NAALADL2: variants seen among roughly 807,000 people sequenced by gnomAD.
NAALADL2 encodes inactive N-acetylated-alpha-linked acidic dipeptidase-like protein 2.
In NAALADL2, 76 loss-of-function variants were observed where a neutral mutation model predicts 87.2. The ratio of observed to expected loss-of-function variants is 0.87; its 90% CI spans 0.72 to 1.05. The LOEUF is 1.05. Ranked by LOEUF, NAALADL2 falls within the 50% of genes least tolerant of loss-of-function variation. NAALADL2 has a pLI of 0.00. For synonymous variants in NAALADL2, 354 were observed against 331.0 expected (o/e 1.07, Z -0.75); for missense variants, 1,089 against 945.8 (o/e 1.15, Z -1.99).
chr3:175,688,276 T>A (rs1057291316), intron 11 of NAALADL2, among the ~76,000 whole-genome samples: 9 of 152,134 alleles, frequency 5.9e-5, no homozygotes, highest in Admixed American at 5.2e-4. Flanking sequence ...TTTCTTGGTA[T>A]TTATTATGTT....
chr3:175,138,616 A>G (rs1334269424), intron 2 of NAALADL2, among the ~76,000 whole-genome samples: 2 of 149,456 alleles, frequency 1.3e-5, no homozygotes, highest in Non-Finnish European at 3.0e-5. Flanking sequence ...TATTATTATT[A>G]TTATTATTGT....
At chr3:174,819,768 TAATC>T (rs148293089) in intron 3 of NAALADL2, among the ~76,000 whole-genome samples, 14,964 of 152,208 alleles carry the variant, frequency 0.098, 806 homozygotes, top group Middle Eastern at 0.13. Context: ...ATCTACAAAA[TAATC>T]ATCCACCAGA....
rs1385469288 is a variant in NAALADL2, at chr3:175,803,198, A to G, written c.2383A>G (p.Asn795Asp). 1.4e-5 allele frequency: 22 copies of G among 1,594,196 alleles called. No homozygotes were observed. Among genetic ancestry groups the G allele is most frequent in the Non-Finnish European group, 1.9e-5 (22 of 1,169,284 alleles). ...GTTCAAGAGTGTCTTGGATGGGAAG[A>G]ATTGAGAAAACTCTGAGCATTTTTA... ...DVFKSVLDGK[N>D] Residue 795 changes from asparagine (N) to aspartate (D), a missense_variant, in exon 14 of 14, where the codon AAT becomes GAT. Physicochemically the swap from Asn to Asp is conservative, Grantham distance 23 (BLOSUM62 1). Transcript: ENST00000454872.
intron 13 of NAALADL2, among the ~76,000 whole-genome samples, chr3:175,792,972 C>T (rs1226785103): frequency 6.6e-6 from 1 of 152,182 alleles, no homozygotes; most frequent in Non-Finnish European, 1.5e-5. Flanking sequence ...AATCCAAGGA[C>T]TACTGCTTTT....
intron 1 of NAALADL2, among the ~76,000 whole-genome samples, chr3:174,909,364 C>T (rs1307222752): frequency 6.6e-6 from 1 of 152,114 alleles, no homozygotes; most frequent in African/African-American, 2.4e-5. Context: ...CATTGCACTC[C>T]AGCCTGGGCA....
At chr3:174,832,414 C>T (rs988639915) in intron 3 of NAALADL2, among the ~76,000 whole-genome samples, 35 of 151,926 alleles carry the variant, frequency 2.3e-4, no homozygotes, top group African/African-American at 5.8e-4. Context: ...TGTAGTTGAG[C>T]GGTTTTGAGT....
intron 5 of NAALADL2, among the ~76,000 whole-genome samples, chr3:175,340,853 C>T (rs1337431732): frequency 2.0e-5 from 3 of 151,994 alleles, no homozygotes; most frequent in Non-Finnish European, 4.4e-5. Context: ...TTGGAGAAGC[C>T]AAAGATCCAG....
intron 11 of NAALADL2, among the ~76,000 whole-genome samples, chr3:175,667,239 G>GAA (rs58198155): frequency 1.2e-5 from 1 of 82,014 alleles, no homozygotes; most frequent in African/African-American, 6.9e-5. Context: ...AAGAAAGAAA[G>GAA]AAAAAGAAAG....
chr3:175,058,895 ATAGAT>A (rs1712818035), intron 1 of NAALADL2, among the ~76,000 whole-genome samples: 1 of 152,176 alleles, frequency 6.6e-6, no homozygotes, highest in African/African-American at 2.4e-5. Context: ...AAAGTAGTGA[ATAGAT>A]TAGATGGCTC....
At chr3:175,618,983 CT>C (rs2149693223) in intron 10 of NAALADL2, among the ~76,000 whole-genome samples, 1 of 152,274 alleles carries the variant, frequency 6.6e-6, no homozygotes, top group African/African-American at 2.4e-5. Context: ...TGTTGACTGC[CT>C]CTGGATCCCT....
At chr3:174,709,348 C>T (rs1730408486) in intron 2 of NAALADL2, among the ~76,000 whole-genome samples, 1 of 151,990 alleles carries the variant, frequency 6.6e-6, no homozygotes, top group Non-Finnish European at 1.5e-5. Flanking sequence ...AAAAATATAT[C>T]CACTGCTAGC....
chr3:175,314,445 C>A (rs1466089756), intron 4 of NAALADL2, among the ~76,000 whole-genome samples: 1 of 149,956 alleles, frequency 6.7e-6, no homozygotes, highest in African/African-American at 2.4e-5. Context: ...TAAAATAAAC[C>A]TATTTTTAAT....
intron 10 of NAALADL2, among the ~76,000 whole-genome samples, chr3:175,613,852 T>C (rs1688650645): frequency 6.6e-6 from 1 of 152,222 alleles, no homozygotes; most frequent in Non-Finnish European, 1.5e-5. Flanking sequence ...TTATTCATAA[T>C]ACATAAAATA....
intron 2 of NAALADL2, among the ~76,000 whole-genome samples, chr3:174,674,501 C>A (rs571623565): frequency 6.6e-6 from 1 of 152,026 alleles, no homozygotes; most frequent in East Asian, 1.9e-4. Context: ...TCTACTCAAC[C>A]ACTCTTCCTT....
chr3:174,746,155 T>C (rs1734230045), intron 3 of NAALADL2, among the ~76,000 whole-genome samples: 1 of 152,196 alleles, frequency 6.6e-6, no homozygotes, highest in Admixed American at 6.5e-5. Context: ...TGTTTGCAGA[T>C]GACCTTATCT....
chr3:175,208,204 C>G (rs1380066115), intron 2 of NAALADL2, among the ~76,000 whole-genome samples: 1 of 152,050 alleles, frequency 6.6e-6, no homozygotes, highest in Non-Finnish European at 1.5e-5. Context: ...TATTTCTATC[C>G]CAAGCTTCCT....
At chr3:175,219,940 C>G (rs951659005) in intron 2 of NAALADL2, among the ~76,000 whole-genome samples, 1 of 121,398 alleles carries the variant, frequency 8.2e-6, no homozygotes, top group East Asian at 2.4e-4. Context: ...AATATTTTTT[C>G]TTAAAATTTT....
At chr3:175,741,394 C>T (rs986469152) in intron 12 of NAALADL2, among the ~76,000 whole-genome samples, 13 of 152,156 alleles carry the variant, frequency 8.5e-5, no homozygotes, top group Non-Finnish European at 1.3e-4. Flanking sequence ...AAAGATCCTA[C>T]CTCCTAATAC....
At chr3:175,467,831 TC>T (rs1214547389) in intron 8 of NAALADL2, among the ~76,000 whole-genome samples, 1 of 152,120 alleles carries the variant, frequency 6.6e-6, no homozygotes, top group African/African-American at 2.4e-5. Context: ...AATTTAAGTC[TC>T]AAACTCTTCT....
Sources: allele counts gnomAD v4.1 joint callset (sites outside exome capture counted in the v4.1 genomes callset), GRCh38; gene constraint gnomAD v4.1.1; transcripts MANE v1.5; gene names NCBI Gene and HGNC (gene_info 2026-07-23, HGNC 2026-07-21).